HTR4: variants seen among roughly 807,000 people sequenced by gnomAD.
HTR4 encodes 5-hydroxytryptamine (serotonin) receptor 4, G protein-coupled.
Under a neutral mutation model 36.8 loss-of-function variants are expected in HTR4, and 16 were observed. The observed-to-expected ratio is 0.43, with a 90% confidence interval of 0.29 to 0.66. HTR4 has a LOEUF of 0.66. Ranked by LOEUF, HTR4 falls within the 30% of genes least tolerant of loss-of-function variation. HTR4 has a pLI of 0.13. For synonymous variants in HTR4, 189 were observed against 185.1 expected, an observed-to-expected ratio of 1.02 and a Z score of -0.17; for missense variants, 438 against 490.9, an observed-to-expected ratio of 0.89 and a Z score of 1.02.
At chr5:148,583,685 C>T (rs1005790247) in intron 2 of HTR4, among the ~76,000 whole-genome samples, 7 of 151,784 alleles carry the variant, frequency 4.6e-5, no homozygotes, top group African/African-American at 1.7e-4. Flanking sequence ...AGAAGAAACA[C>T]AAAAGTGTCC....
At chr5:148,530,485 G>T (rs1758508553) in intron 4 of HTR4, among the ~76,000 whole-genome samples, 2 of 152,214 alleles carry the variant, frequency 1.3e-5, no homozygotes, top group East Asian at 3.9e-4. Flanking sequence ...CGAGTACACA[G>T]AAGTCAAGAA....
chr5:148,624,128 T>C (rs1753009336), intron 2 of HTR4, among the ~76,000 whole-genome samples: 1 of 152,142 alleles, frequency 6.6e-6, no homozygotes, highest in Non-Finnish European at 1.5e-5. Flanking sequence ...AGAAATAAAA[T>C]GAATAGTAAC....
intron 1 of HTR4, among the ~76,000 whole-genome samples, chr5:148,653,773 C>T (rs1754108662): frequency 6.6e-6 from 1 of 152,184 alleles, no homozygotes; most frequent in Non-Finnish European, 1.5e-5. Context: ...CACAACCTCC[C>T]TTGTATAGTC....
At chr5:148,624,973 C>T (rs1264711078) in intron 2 of HTR4, among the ~76,000 whole-genome samples, 1 of 152,108 alleles carries the variant, frequency 6.6e-6, no homozygotes, top group Non-Finnish European at 1.5e-5. Flanking sequence ...ACAACAATGA[C>T]AATTATAAAT....
intron 5 of HTR4, among the ~76,000 whole-genome samples, chr5:148,454,003 C>G (rs545436036): frequency 5.9e-5 from 9 of 152,256 alleles, no homozygotes; most frequent in African/African-American, 1.7e-4. Flanking sequence ...AAAGGTTTAG[C>G]CTTCACAACT....
chr5:148,468,292 A>T (rs1755482379), intron 5 of HTR4, among the ~76,000 whole-genome samples: 1 of 152,230 alleles, frequency 6.6e-6, no homozygotes, highest in African/African-American at 2.4e-5. Context: ...ATTGGCTCAG[A>T]GTGCTTCAAA....
Position 148,481,728 on chromosome 5 carries a change from C to T in HTR4, c.*1475G>A. ...ATCCTGAGATGCTATTAAACCACAG[C>T]CAAGATCAAAGTCAGAATCTCACAT... On this transcript the variant is annotated 3_prime_UTR_variant, in exon 7 of 7. Transcript: ENST00000377888. 7.0e-7 allele frequency: 1 copy of T among 1,434,602 alleles called. No individual in the cohort carries two copies. Among genetic ancestry groups the T allele is most frequent in the East Asian group, 2.5e-5 (1 of 39,956 alleles). The allele number at this position is 1,434,602 out of a possible 1,614,324, so 88.9% of individuals were successfully genotyped here.
At chr5:148,641,458 GA>G (rs1753727077) in intron 1 of HTR4, among the ~76,000 whole-genome samples, 2 of 152,166 alleles carry the variant, frequency 1.3e-5, no homozygotes, top group African/African-American at 4.8e-5. Context: ...GCAAGTTCTG[GA>G]AAAGGGATGG....
intron 2 of HTR4, among the ~76,000 whole-genome samples, chr5:148,617,605 A>G (rs1752753250): frequency 6.6e-6 from 1 of 151,750 alleles, no homozygotes; most frequent in African/African-American, 2.4e-5. Flanking sequence ...AGTAGCTGGG[A>G]TTACAGGTGC....
At chr5:148,452,084 T>A (rs1189905870) in intron 5 of HTR4, among the ~76,000 whole-genome samples, 1 of 152,202 alleles carries the variant, frequency 6.6e-6, no homozygotes, top group Non-Finnish European at 1.5e-5. Context: ...ACAAAACAAC[T>A]TGGTGGTAGT....
intron 1 of HTR4, among the ~76,000 whole-genome samples, chr5:148,650,083 A>G (rs1479306185): frequency 6.6e-6 from 1 of 152,022 alleles, no homozygotes; most frequent in Non-Finnish European, 1.5e-5. Flanking sequence ...GGTACATGAG[A>G]TGTTTTCATA....
At chr5:148,539,257 A>C (rs554176539) in intron 4 of HTR4, among the ~76,000 whole-genome samples, 34 of 152,340 alleles carry the variant, frequency 2.2e-4, no homozygotes, top group Non-Finnish European at 4.6e-4. Flanking sequence ...TGTAAAACCC[A>C]AAACTATAAA....
At chr5:148,483,387 G>C in intron 6 of HTR4, 94 bp from the exon 7 acceptor site, 1 of 1,098,098 alleles carries the variant, frequency 9.1e-7, no homozygotes, top group Non-Finnish European at 1.4e-6. Flanking sequence ...GGAACACTCT[G>C]TGCCATGCAG....
chr5:148,595,661 T>A (rs952545153), intron 2 of HTR4, among the ~76,000 whole-genome samples: 1 of 152,186 alleles, frequency 6.6e-6, no homozygotes, highest in African/African-American at 2.4e-5. Context: ...ATTGATACAT[T>A]GACCATTATA....
chr5:148,616,297 A>G (rs767055789), intron 2 of HTR4, among the ~76,000 whole-genome samples: 23 of 152,344 alleles, frequency 1.5e-4, no homozygotes, highest in Non-Finnish European at 2.6e-4. Context: ...AATTTGACAC[A>G]GTGTGTTATA....
intron 2 of HTR4, among the ~76,000 whole-genome samples, chr5:148,557,393 T>A (rs1192801939): frequency 6.6e-6 from 1 of 152,184 alleles, no homozygotes; most frequent in African/African-American, 2.4e-5. Flanking sequence ...TGAATAAATG[T>A]TGGTACAATT....
chr5:148,540,827 C>CT (rs1561606786), intron 4 of HTR4, among the ~76,000 whole-genome samples: 1 of 152,034 alleles, frequency 6.6e-6, no homozygotes, highest in Non-Finnish European at 1.5e-5. Flanking sequence ...AGGGGACATA[C>CT]TCAGGGCTGG....
chr5:148,595,029 GA>G (rs1482910082), intron 2 of HTR4, among the ~76,000 whole-genome samples: 2 of 150,086 alleles, frequency 1.3e-5, no homozygotes, highest in Admixed American at 1.3e-4. Context: ...GAAATCTTCA[GA>G]AATCTCTGCT....
intron 5 of HTR4, chr5:148,465,892 G>T: frequency 6.2e-7 from 1 of 1,613,608 alleles, no homozygotes; most frequent in South Asian, 1.1e-5. Context: ...TATTGCAGAA[G>T]AGCAGGAGGA....
Sources: allele counts gnomAD v4.1 joint callset (sites outside exome capture counted in the v4.1 genomes callset), GRCh38; gene constraint gnomAD v4.1.1; transcripts MANE v1.5; gene names NCBI Gene and HGNC (gene_info 2026-07-23, HGNC 2026-07-21).